Variants in ELAPOR2 observed in about 807,000 individuals in gnomAD.
The protein encoded by ELAPOR2 is endosome/lysosome-associated apoptosis and autophagy regulator family member 2.
Under a neutral mutation model 120.7 loss-of-function variants are expected in ELAPOR2, and 89 were observed. That is an observed-to-expected ratio of 0.74 (90% confidence interval 0.62 to 0.88). The LOEUF (loss-of-function observed/expected upper bound fraction) is 0.88. Among genes scored for constraint, ELAPOR2 ranks in the 40% least tolerant of loss-of-function variants. ELAPOR2 has a pLI of 0.00. For missense variants in ELAPOR2, 1,134 were observed against 1,251.6 expected (o/e 0.91, Z 1.42); for synonymous variants, 444 against 444.9 (o/e 1.00, Z 0.03).
rs1799277356 is a variant in ELAPOR2, at chr7:86,879,024, C to T, written c.*1447G>A. On this transcript the variant is annotated 3_prime_UTR_variant, in exon 22 of 22. Coordinates refer to ENST00000450689, the MANE Select transcript of ELAPOR2 (RefSeq NM_001142749.3). ...GACACAAAAGTTACAAGTCATACTT[C>T]ATTGGAATGCTTGGGGCAAATCATT... 1.3e-5 allele frequency: 2 copies of T among 152,130 alleles called. No homozygotes were observed. The allele number at this position is 152,130 out of a possible 1,614,324, so 9.4% of individuals were successfully genotyped here.
intron 1 of ELAPOR2, among the ~76,000 whole-genome samples, chr7:87,015,721 C>T: frequency 6.6e-6 from 1 of 152,114 alleles, no homozygotes. Flanking sequence ...CAGCTACTCC[C>T]AGCTACTCCC....
At chr7:86,902,700 T>TG in intron 18 of ELAPOR2, among the ~76,000 whole-genome samples, 1 of 152,168 alleles carries the variant, frequency 6.6e-6, no homozygotes, top group East Asian at 1.9e-4. Context: ...GGTGGGGCCT[T>TG]GGGAAGTTTG....
chr7:86,891,768 T>G lies in ELAPOR2; in HGVS notation c.2986A>C (p.Asn996His). 1 of 1,612,180 alleles carries G rather than the reference T, an allele frequency of 6.2e-7. No individual in the cohort carries two copies. The highest frequency in any genetic ancestry group is 8.5e-7 in the Non-Finnish European group (1 of 1,178,882). The change falls in exon 21 of 22, where the codon AAT becomes CAT. Residue 996 changes from asparagine (N) to histidine (H), a missense_variant. Physicochemically the swap from Asn to His is moderately conservative, Grantham distance 68 (BLOSUM62 1). Transcript: ENST00000450689. ...AGTTTTCCTAGTAGTGACTGTTTAT[T>G]GGAATATACAACTTCCTCTTCATTA... Reference protein sequence around the residue: ...EDNEEEVVYSNKQSLLGKLKS... With the variant: ...EDNEEEVVYSHKQSLLGKLKS...
At chr7:86,939,840 A>T (rs1790727854) in intron 6 of ELAPOR2, among the ~76,000 whole-genome samples, 170 bp downstream of exon 6, 1 of 152,182 alleles carries the variant, frequency 6.6e-6, no homozygotes, top group African/African-American at 2.4e-5. Context: ...AAAGAAAACA[A>T]CTGTCGATTT....
intron 1 of ELAPOR2, among the ~76,000 whole-genome samples, chr7:87,053,089 C>T (rs1038410792): frequency 6.6e-6 from 1 of 152,130 alleles, no homozygotes; most frequent in Admixed American, 6.5e-5. Context: ...TGGGCCACCT[C>T]GCCCAAACTG....
At position 87,025,185 on chromosome 7, in the gene ELAPOR2, T is replaced by C. The variant is rs550314942; in HGVS notation, c.189+34140A>G. Among the ~76,000 whole-genome samples the C allele has an allele frequency of 2.0e-5, 3 of 152,200 alleles. No individual in the cohort carries two copies. The East Asian group carries it at 5.8e-4, about 29-fold the overall frequency. On this transcript the variant is annotated intron_variant, in intron 1 of 21. Transcript: ENST00000450689. ...AATTCGTTTAGATGACTAAATGAAA[T>C]TGTAGAAGCAGTCATCTGTTGGCAG...
intron 1 of ELAPOR2, among the ~76,000 whole-genome samples, chr7:87,003,910 A>T (rs1471042852): frequency 1.3e-5 from 2 of 152,152 alleles, no homozygotes; most frequent in African/African-American, 2.4e-5. Context: ...TCAGACAGGA[A>T]TAATGGTGTT....
intron 1 of ELAPOR2, among the ~76,000 whole-genome samples, chr7:87,049,727 C>T (rs1450190613): frequency 6.6e-6 from 1 of 152,192 alleles, no homozygotes; most frequent in Non-Finnish European, 1.5e-5. Flanking sequence ...GAGAAAGGAG[C>T]ATGCATAACA....
chr7:86,931,729 A>G (rs1790337766), intron 8 of ELAPOR2, among the ~76,000 whole-genome samples: 1 of 151,902 alleles, frequency 6.6e-6, no homozygotes, highest in African/African-American at 2.4e-5. Context: ...AGAATCTGGT[A>G]ATGGAAATGA....
intron 1 of ELAPOR2, among the ~76,000 whole-genome samples, chr7:87,039,947 G>A (rs1020040294): frequency 7.2e-5 from 11 of 152,190 alleles, no homozygotes; most frequent in Non-Finnish European, 1.6e-4. Flanking sequence ...GTGAGGCATT[G>A]CCTCACTCGG....
At chr7:86,983,108 G>A (rs1274057448) in intron 1 of ELAPOR2, among the ~76,000 whole-genome samples, 1 of 152,174 alleles carries the variant, frequency 6.6e-6, no homozygotes, top group African/African-American at 2.4e-5. Flanking sequence ...TTGAATTAAT[G>A]AAATAGAGCA....
chr7:86,994,143 A>T (rs2116608382), intron 1 of ELAPOR2, among the ~76,000 whole-genome samples: 1 of 152,292 alleles, frequency 6.6e-6, no homozygotes, highest in South Asian at 2.1e-4. Context: ...TGTTTAATGA[A>T]TATTGATACT....
At chr7:86,992,086 T>C (rs1357782228) in intron 1 of ELAPOR2, among the ~76,000 whole-genome samples, 1 of 152,184 alleles carries the variant, frequency 6.6e-6, no homozygotes, top group Non-Finnish European at 1.5e-5. Flanking sequence ...GTGTCATCAA[T>C]ACAGGAAAGG....
chr7:86,899,244 C>T (rs925685143), intron 18 of ELAPOR2, among the ~76,000 whole-genome samples: 35 of 152,102 alleles, frequency 2.3e-4, no homozygotes, highest in African/African-American at 8.2e-4. Context: ...CTATGGTGTA[C>T]AGAATCCTTA....
intron 1 of ELAPOR2, chr7:86,965,989 T>C (rs1374891439): frequency 4.1e-6 from 4 of 984,074 alleles, no homozygotes; most frequent in Non-Finnish European, 4.8e-6. Flanking sequence ...TTGCTAACAA[T>C]GACTGTCCTA....
At chr7:86,961,294 T>C (rs561468577) in intron 2 of ELAPOR2, among the ~76,000 whole-genome samples, 2 of 152,180 alleles carry the variant, frequency 1.3e-5, no homozygotes, top group South Asian at 2.1e-4. Flanking sequence ...AACAAATTAA[T>C]GGAAAAAATA....
At chr7:87,056,489 G>A (rs1795267064) in intron 1 of ELAPOR2, among the ~76,000 whole-genome samples, 1 of 152,104 alleles carries the variant, frequency 6.6e-6, no homozygotes, top group African/African-American at 2.4e-5. Flanking sequence ...CCAGCACTTT[G>A]ACTTTCCTTT....
At chr7:87,011,307 G>A (rs1793671168) in intron 1 of ELAPOR2, among the ~76,000 whole-genome samples, 1 of 150,688 alleles carries the variant, frequency 6.6e-6, no homozygotes, top group African/African-American at 2.4e-5. Flanking sequence ...AAACATGTTT[G>A]CAAATGAACA....
intron 21 of ELAPOR2, among the ~76,000 whole-genome samples, chr7:86,883,855 A>G (rs1799555282): frequency 6.6e-6 from 1 of 152,174 alleles, no homozygotes; most frequent in South Asian, 2.1e-4. Context: ...AATTCATTAA[A>G]TTGTATATTT....
Sources: gnomAD v4.1 joint callset for allele counts (sites outside exome capture counted in the v4.1 genomes callset) on GRCh38, gnomAD v4.1.1 for gene constraint, MANE v1.5 for transcripts, NCBI Gene and HGNC (gene_info 2026-07-23, HGNC 2026-07-21) for gene names.